The following GRID2 variants were observed in gnomAD, a reference collection of about 807,000 sequenced individuals.
GRID2 encodes the protein glutamate ionotropic receptor delta type subunit 2.
Under a neutral mutation model 114.8 loss-of-function variants are expected in GRID2, and 33 were observed. The observed-to-expected ratio is 0.29, with a 90% CI of 0.22 to 0.38. The LOEUF is 0.38. Ranked by LOEUF, GRID2 falls within the 10% of genes least tolerant of loss-of-function variation. The pLI, the probability that GRID2 is intolerant of heterozygous loss-of-function variation, is 1.00. For synonymous variants in GRID2, 505 were observed against 449.9 expected, an observed-to-expected ratio of 1.12 and a Z score of -1.55; for missense variants, 1,184 against 1,257.7, an observed-to-expected ratio of 0.94 and a Z score of 0.89.
intron 2 of GRID2, among the ~76,000 whole-genome samples, chr4:92,994,727 C>G (rs1229011952): frequency 6.6e-6 from 1 of 152,130 alleles, no homozygotes; most frequent in Non-Finnish European, 1.5e-5. Flanking sequence ...ATCAATAACT[C>G]AAGTTGATGA....
intron 13 of GRID2, among the ~76,000 whole-genome samples, chr4:93,527,960 A>G (rs1731077669): frequency 6.6e-6 from 1 of 152,072 alleles, no homozygotes; most frequent in Non-Finnish European, 1.5e-5. Flanking sequence ...ATCACATAGT[A>G]GTTGTCCTTT....
chr4:93,193,128 C>G (rs1468365185), intron 4 of GRID2, among the ~76,000 whole-genome samples: 1 of 152,142 alleles, frequency 6.6e-6, no homozygotes, highest in East Asian at 1.9e-4. Context: ...ATTCTATCAT[C>G]AAGTCATCTT....
At chr4:92,442,865 A>G (rs1483803172) in intron 1 of GRID2, among the ~76,000 whole-genome samples, 1 of 152,224 alleles carries the variant, frequency 6.6e-6, no homozygotes, top group Non-Finnish European at 1.5e-5. Context: ...CCTTTTTAAG[A>G]GTAAATTGTT....
intron 14 of GRID2, among the ~76,000 whole-genome samples, chr4:93,661,424 T>A: frequency 6.6e-6 from 1 of 152,166 alleles, no homozygotes; most frequent in East Asian, 1.9e-4. Flanking sequence ...CACTGAACGG[T>A]GCTGAAGTGC....
Position 92,822,703 on chromosome 4 carries a change from G to A in GRID2, c.244+232417G>A, listed in dbSNP as rs149126058. 7.3e-3 allele frequency: 1,202 copies of A among 163,972 alleles called. 23 individuals are homozygous for A. Among genetic ancestry groups the A allele is most frequent in the African/African-American group, 0.027 (1,141 of 41,638 alleles). 10.2% of individuals were successfully genotyped at this position (163,972 alleles called of 1,614,324 possible). ...TCTCAGGAGGCTGAGAGGAAAAAGTGGCCACCTGAAGAGATGATTTTGTCA... is the reference window on the plus strand; with the variant it reads ...TCTCAGGAGGCTGAGAGGAAAAAGTAGCCACCTGAAGAGATGATTTTGTCA... On this transcript the variant is annotated intron_variant, in intron 2 of 15. Transcript: ENST00000282020.
At chr4:92,408,431 C>CTT (rs35638036) in intron 1 of GRID2, among the ~76,000 whole-genome samples, 250 of 19,254 alleles carry the variant, frequency 0.013, 16 homozygotes, top group Non-Finnish European at 0.016. Context: ...TATTCAAGCT[C>CTT]TTTTTTTTTT....
intron 8 of GRID2, among the ~76,000 whole-genome samples, chr4:93,253,366 C>G (rs547365906): frequency 8.7e-4 from 132 of 152,004 alleles, no homozygotes; most frequent in African/African-American, 3.1e-3. Context: ...AAACTAAGGA[C>G]TCTGAAAAAG....
chr4:92,989,397 T>C (rs568445236), intron 2 of GRID2, among the ~76,000 whole-genome samples: 2 of 151,714 alleles, frequency 1.3e-5, no homozygotes, highest in Admixed American at 1.3e-4. Flanking sequence ...TATGTAAACA[T>C]GCAAAATATT....
At chr4:93,664,296 T>A (rs1723761659) in intron 14 of GRID2, among the ~76,000 whole-genome samples, 1 of 152,140 alleles carries the variant, frequency 6.6e-6, no homozygotes, top group African/African-American at 2.4e-5. Context: ...GGGCTTTGCT[T>A]TAGAGTGAGT....
At chr4:93,102,093 A>C (rs900400887) in intron 3 of GRID2, among the ~76,000 whole-genome samples, 1 of 152,186 alleles carries the variant, frequency 6.6e-6, no homozygotes, top group African/African-American at 2.4e-5. Context: ...TACAAATAGC[A>C]GAAGTTTACT....
At chr4:92,674,800 A>G (rs1733262096) in intron 2 of GRID2, among the ~76,000 whole-genome samples, 1 of 152,190 alleles carries the variant, frequency 6.6e-6, no homozygotes, top group Non-Finnish European at 1.5e-5. Context: ...AAGTGCTAGG[A>G]TTACAGGCAT....
intron 2 of GRID2, among the ~76,000 whole-genome samples, chr4:92,970,565 T>C (rs1464940448): frequency 6.6e-6 from 1 of 152,002 alleles, no homozygotes; most frequent in African/African-American, 2.4e-5. Flanking sequence ...GTGTCTTTCA[T>C]GTTTCATACA....
At chr4:93,429,477 T>G (rs2149377794) in intron 10 of GRID2, among the ~76,000 whole-genome samples, 1 of 152,238 alleles carries the variant, frequency 6.6e-6, no homozygotes, top group African/African-American at 2.4e-5. Context: ...CAATGGAAGA[T>G]TTATTTTATA....
At chr4:93,052,148 G>A (rs1478637521) in intron 2 of GRID2, among the ~76,000 whole-genome samples, 1 of 151,624 alleles carries the variant, frequency 6.6e-6, no homozygotes, top group Admixed American at 6.6e-5. Flanking sequence ...CAATTTCTTT[G>A]GACTTACATC....
At chr4:92,340,259 T>C (rs1053193723) in intron 1 of GRID2, among the ~76,000 whole-genome samples, 3 of 152,142 alleles carry the variant, frequency 2.0e-5, no homozygotes, top group Admixed American at 2.0e-4. Flanking sequence ...CAATCACCGT[T>C]CATGTAAATC....
At chr4:92,393,708 C>T (rs10026025) in intron 1 of GRID2, among the ~76,000 whole-genome samples, 3,352 of 152,166 alleles carry the variant, frequency 0.022, 130 homozygotes, top group African/African-American at 0.077. Context: ...TTTGGGGAAA[C>T]TTACCAGTTT....
Position 93,111,149 on chromosome 4 carries a change from T to C in GRID2, c.735+196T>C, listed in dbSNP as rs3857063. ...TTACTGTCCAGTTAGTTGCTGAGAG[T>C]ATTTGTGTTTATATATATTTAGGCA... On this transcript the variant is annotated intron_variant, in intron 4 of 15. Coordinates refer to ENST00000282020, the MANE Select transcript of GRID2 (RefSeq NM_001510.4). 0.48 allele frequency among the ~76,000 whole-genome samples: 72,712 copies of C among 151,940 alleles called. 17,983 individuals carry two copies. The highest frequency in any genetic ancestry group is 0.62 in the Admixed American group (9,425 of 15,256).
At chr4:92,658,464 G>A (rs1264407632) in intron 2 of GRID2, among the ~76,000 whole-genome samples, 1 of 151,708 alleles carries the variant, frequency 6.6e-6, no homozygotes, top group African/African-American at 2.4e-5. Context: ...CGCTGGTAAA[G>A]GCATAGCTGA....
At chr4:92,307,381 G>A (rs1725462504) in intron 1 of GRID2, among the ~76,000 whole-genome samples, 1 of 152,074 alleles carries the variant, frequency 6.6e-6, no homozygotes, top group African/African-American at 2.4e-5. Context: ...CTCATGTGAT[G>A]TGTTCAAGCA....
Sources: gnomAD v4.1 joint callset for allele counts (sites outside exome capture counted in the v4.1 genomes callset) on GRCh38, gnomAD v4.1.1 for gene constraint, MANE v1.5 for transcripts, NCBI Gene and HGNC (gene_info 2026-07-23, HGNC 2026-07-21) for gene names.